MPZL3: variants seen among roughly 807,000 people sequenced by gnomAD.
MPZL3 encodes the protein myelin protein zero-like protein 3.
MPZL3 carries 23 observed loss-of-function variants against 24.8 expected under a neutral mutation model. The observed-to-expected ratio is 0.93, with a 90% CI of 0.67 to 1.31. The LOEUF (loss-of-function observed/expected upper bound fraction) is 1.31. Ranked by LOEUF, MPZL3 falls within the 40% of genes most tolerant of loss-of-function variation. The probability of loss-of-function intolerance (pLI) is 0.00; values close to 1 mark genes in which losing one functional copy is unlikely to be tolerated. For synonymous variants in MPZL3, 99 were observed against 106.5 expected, an observed-to-expected ratio of 0.93 and a Z score of 0.44; for missense variants, 277 against 294.9, an observed-to-expected ratio of 0.94 and a Z score of 0.44.
At chr11:118,243,064 G>GA (rs1365136931) in intron 1 of MPZL3, among the ~76,000 whole-genome samples, 6 of 152,074 alleles carry the variant, frequency 3.9e-5, no homozygotes, top group African/African-American at 1.4e-4. Context: ...CACCCTTTCA[G>GA]AAAAAGCTCA....
chr11:118,248,059 AAC>A (rs960594713), intron 1 of MPZL3, among the ~76,000 whole-genome samples: 22 of 146,986 alleles, frequency 1.5e-4, no homozygotes, highest in African/African-American at 5.4e-4. Flanking sequence ...AGACCAAACC[AAC>A]AGTTTCCTCT....
Position 118,235,586 on chromosome 11 carries a change from A to G in MPZL3, c.455T>C (p.Phe152Ser). 6.2e-7 allele frequency: 1 copy of G among 1,613,680 alleles called. No homozygotes were observed. The highest frequency in any genetic ancestry group is 8.5e-7 in the Non-Finnish European group (1 of 1,179,744). ...MTELTVTERG[F>S]GTMLSSVALL... is the part of the protein sequence containing the mutation. ...GGCCACAGAGGAAAGCATGGTGCCAAAACCTAGAGGCGGAGAAAGAGAAGG... is the reference window on the plus strand; with the variant it reads ...GGCCACAGAGGAAAGCATGGTGCCAGAACCTAGAGGCGGAGAAAGAGAAGG... Residue 152 changes from phenylalanine to serine, a missense_variant, in exon 4 of 6, where the codon TTT becomes TCT. Phe to Ser is a radical substitution (Grantham distance 155). Coordinates refer to ENST00000278949, the MANE Select transcript of MPZL3 (RefSeq NM_198275.3).
intron 1 of MPZL3, among the ~76,000 whole-genome samples, chr11:118,249,559 G>T (rs1467154750): frequency 6.6e-6 from 1 of 151,834 alleles, no homozygotes; most frequent in Non-Finnish European, 1.5e-5. Context: ...AAACTTTTTA[G>T]TCTGGGGAAA....
At chr11:118,246,029 T>C (rs1339720671) in intron 1 of MPZL3, among the ~76,000 whole-genome samples, 2 of 152,194 alleles carry the variant, frequency 1.3e-5, no homozygotes, top group Non-Finnish European at 2.9e-5. Context: ...AGAATCTCTT[T>C]AGTTTCCCTC....
chr11:118,236,310 G>T (rs1343657884), intron 3 of MPZL3, among the ~76,000 whole-genome samples: 1 of 151,348 alleles, frequency 6.6e-6, no homozygotes, highest in Non-Finnish European at 1.5e-5. Flanking sequence ...AGAAAGAGAA[G>T]GAAGAAATGA....
chr11:118,243,023 T>G (rs1949515598), intron 1 of MPZL3, among the ~76,000 whole-genome samples: 1 of 152,056 alleles, frequency 6.6e-6, no homozygotes, highest in Non-Finnish European at 1.5e-5. Context: ...TGCAATACTC[T>G]TAACTCCCCT....
At position 118,228,197 on chromosome 11, in the gene MPZL3, T is replaced by A. The variant is rs979546252; in HGVS notation, c.*1697A>T. On this transcript the variant is annotated 3_prime_UTR_variant, in exon 6 of 6. Coordinates refer to ENST00000278949, the MANE Select transcript of MPZL3 (RefSeq NM_198275.3). Reference sequence around the variant, plus strand: ...GGCTAGGCCAAATCTATGATACGGATCTAACAACCCAAATTTTTTAAATTA... The same window carrying A: ...GGCTAGGCCAAATCTATGATACGGAACTAACAACCCAAATTTTTTAAATTA... The A allele has an allele frequency of 6.6e-6, 1 of 151,464 alleles. No individual in the cohort carries two copies. The highest frequency in any genetic ancestry group is 1.5e-5 in the Non-Finnish European group (1 of 67,952). The allele number at this position is 151,464 out of a possible 1,614,324, so 9.4% of individuals were successfully genotyped here. A position where few individuals can be genotyped will look rare whatever the true frequency, so the allele number is the denominator to read the frequency against.
chr11:118,252,138 G>T, intron 1 of MPZL3, 84 bp downstream of exon 1: 1 of 1,401,948 alleles, frequency 7.1e-7, no homozygotes, highest in Middle Eastern at 2.5e-4. Flanking sequence ...GCTTTCTGGA[G>T]ACCCCCCTAC....
At position 118,233,493 on chromosome 11, in the gene MPZL3, C is replaced by G; in HGVS notation, c.648G>C (p.Met216Ile). 3 of 1,613,830 alleles carry G rather than the reference C, an allele frequency of 1.9e-6. No individual in the cohort carries two copies. Among genetic ancestry groups the G allele is most frequent in the Non-Finnish European group, 2.5e-6 (3 of 1,179,868 alleles). ...DTDQEEEEAC[M>I]ARLCVRCAEC... ...CAGCGCAACGGACACAAAGCCTCGC[C>G]ATACACGCCTCTTCCTCCTCCTGAT... The change falls in exon 5 of 6, where the codon ATG (methionine) becomes ATC (isoleucine). Residue 216 changes from methionine to isoleucine, a missense_variant. By Grantham distance (10) the Met-to-Ile change is conservative. Coordinates refer to ENST00000278949, the MANE Select transcript of MPZL3 (RefSeq NM_198275.3).
At chr11:118,245,086 GA>G (rs1949543448) in intron 1 of MPZL3, among the ~76,000 whole-genome samples, 1 of 150,548 alleles carries the variant, frequency 6.6e-6, no homozygotes, top group African/African-American at 2.4e-5. Context: ...AAAAAAAGAA[GA>G]AAAAAAAGAT....
chr11:118,237,238 T>C lies in MPZL3; in HGVS notation c.263A>G (p.Gln88Arg), dbSNP rs759671697. ...TVSIFHYQSF[Q>R]YPTTAGTFRD... ...AAATGTGCCTGCTGTGGTTGGGTAC[T>C]GGAAAGACTGATAATGAAATATCTA... The change falls in exon 3 of 6, where the codon CAG becomes CGG. Residue 88 changes from glutamine (Q) to arginine (R), a missense_variant. Coordinates refer to ENST00000278949, the MANE Select transcript of MPZL3 (RefSeq NM_198275.3). The C allele has an allele frequency of 6.8e-6, 11 of 1,614,044 alleles. No homozygotes were observed. The Middle Eastern group carries it at 8.3e-4, about 121-fold the overall frequency.
At chr11:118,232,575 T>C (rs931518486) in intron 5 of MPZL3, among the ~76,000 whole-genome samples, 1 of 152,096 alleles carries the variant, frequency 6.6e-6, no homozygotes, top group South Asian at 2.1e-4. Flanking sequence ...AACAAATCAC[T>C]GTTGAATGGA....
At chr11:118,238,118 C>G (rs549383627) in intron 2 of MPZL3, among the ~76,000 whole-genome samples, 116 of 148,940 alleles carry the variant, frequency 7.8e-4, no homozygotes, top group African/African-American at 2.9e-3. Context: ...GCCTCGGCAA[C>G]GGAGCTAGAC....
In MPZL3 at chr11:118,241,574, A is replaced by G. The variant is rs1269331858; in HGVS notation, c.74-1197T>C. On this transcript the variant is annotated intron_variant, in intron 1 of 5. Coordinates refer to ENST00000278949, the MANE Select transcript of MPZL3 (RefSeq NM_198275.3). The stretch of plus-strand genomic sequence containing the variant: ...GAGGATTAAAAGAGTTAAAACACAT[A>G]CAACACTAAGAAGCCTACCCGAACC... 5.3e-5 allele frequency among the ~76,000 whole-genome samples: 8 copies of G among 152,192 alleles called. No homozygotes were observed. In the East Asian group the frequency reaches 1.5e-3, roughly 29 times the overall value.
rs1304441607 is a variant in MPZL3 at position 118,227,740 on chromosome 11, A to T, written c.*2154T>A. 6.6e-6 allele frequency: 1 copy of T among 152,254 alleles called. No individual in the cohort carries two copies. The highest frequency in any genetic ancestry group is 2.4e-5 in the African/African-American group (1 of 41,464). 9.4% of individuals were successfully genotyped at this position (152,254 alleles called of 1,614,324 possible). ...TCAATCTACAAACATACTACCCTGCATTAATCTTCACAACACACCTGCGAG... is the reference window on the plus strand; with the variant it reads ...TCAATCTACAAACATACTACCCTGCTTTAATCTTCACAACACACCTGCGAG... On this transcript the variant is annotated 3_prime_UTR_variant, in exon 6 of 6. Transcript: ENST00000278949.
At position 118,240,297 on chromosome 11, in the gene MPZL3, A is replaced by C. The variant is rs1269843999; in HGVS notation, c.154T>G (p.Cys52Gly). Reference protein sequence around the residue: ...GYVGEKIKLKCTFKSTSDVTD... With the variant: ...GYVGEKIKLKGTFKSTSDVTD... ...ACATCTGAAGTTGACTTGAAAGTGC[A>C]TTTCAACTTGATCTTTTCTCCAACA... Residue 52 changes from cysteine to glycine, a missense_variant, in exon 2 of 6, where the codon TGC (cysteine) becomes GGC (glycine). Transcript: ENST00000278949. The C allele has an allele frequency of 6.2e-7, 1 of 1,609,332 alleles. No individual in the cohort carries two copies. The highest frequency in any genetic ancestry group is 2.2e-5 in the East Asian group (1 of 44,614).
At position 118,235,422 on chromosome 11, in the gene MPZL3, A is replaced by C. The variant is rs547980223; in HGVS notation, c.617+2T>G. ...GCTGCCCAGGGCTCCTGCTGGACTT[A>C]CTCATCGGAAACCTCAATAGATGAC... is the stretch of plus-strand genomic sequence containing the variant. On this transcript the variant is annotated splice_donor_variant, in intron 4 of 5. Coordinates refer to ENST00000278949, the MANE Select transcript of MPZL3 (RefSeq NM_198275.3). LOFTEE classifies it high-confidence loss of function. The C allele has an allele frequency of 6.2e-7, 1 of 1,613,304 alleles. No individual in the cohort carries two copies. Among genetic ancestry groups the C allele is most frequent in the African/African-American group, 1.3e-5 (1 of 74,952 alleles).
chr11:118,238,380 T>A (rs1329426434), intron 2 of MPZL3, among the ~76,000 whole-genome samples: 1 of 152,198 alleles, frequency 6.6e-6, no homozygotes. Flanking sequence ...TAATGCTGCC[T>A]AGGACTTGAT....
intron 1 of MPZL3, among the ~76,000 whole-genome samples, chr11:118,242,452 T>C (rs1479802331): frequency 6.6e-6 from 1 of 152,196 alleles, no homozygotes; most frequent in Admixed American, 6.5e-5. Context: ...CTTTCAGTAA[T>C]TTCCTATTGG....
Sources: allele counts gnomAD v4.1 joint callset (sites outside exome capture counted in the v4.1 genomes callset), GRCh38; gene constraint gnomAD v4.1.1; transcripts MANE v1.5; gene names NCBI Gene and HGNC (gene_info 2026-07-23, HGNC 2026-07-21).